The following ANGPT1 variants were observed in gnomAD, a reference collection of about 807,000 sequenced individuals.
ANGPT1 encodes the protein angiopoietin-1.
A neutral mutation model predicts 62.2 loss-of-function variants in ANGPT1; 17 were observed. That is an observed-to-expected ratio of 0.27 (90% CI 0.19 to 0.41). ANGPT1 has a LOEUF of 0.41. Ranked by LOEUF, ANGPT1 falls within the 10% of genes least tolerant of loss-of-function variation. ANGPT1 has a pLI of 1.00. For missense variants in ANGPT1, 478 were observed against 594.9 expected (o/e 0.80, Z 2.04); for synonymous variants, 199 against 198.9 (o/e 1.00, Z 0.00).
chr8:107,395,975 T>A (rs534016981), intron 1 of ANGPT1, among the ~76,000 whole-genome samples: 1 of 152,336 alleles, frequency 6.6e-6, no homozygotes, highest in South Asian at 2.1e-4. Context: ...AAGACACTTA[T>A]GTCCTGTTAT....
At chr8:107,413,022 C>T (rs1047143324) in intron 1 of ANGPT1, among the ~76,000 whole-genome samples, 3 of 152,052 alleles carry the variant, frequency 2.0e-5, no homozygotes, top group Non-Finnish European at 4.4e-5. Flanking sequence ...AAAGATGTGG[C>T]CAATATGTAT....
chr8:107,307,179 T>C (rs1484902036), intron 4 of ANGPT1, among the ~76,000 whole-genome samples: 1 of 152,120 alleles, frequency 6.6e-6, no homozygotes, highest in Non-Finnish European at 1.5e-5. Context: ...CTGCCATTCC[T>C]ATCACTGCTT....
At chr8:107,316,400 T>C (rs1369095175) in intron 4 of ANGPT1, among the ~76,000 whole-genome samples, 1 of 152,224 alleles carries the variant, frequency 6.6e-6, no homozygotes, top group African/African-American at 2.4e-5. Context: ...CTCTCTGTGC[T>C]TAGCTTACCT....
Position 107,251,845 on chromosome 8 carries a change from C to T in ANGPT1, c.*10G>A. 2 of 1,613,666 alleles carry T rather than the reference C, an allele frequency of 1.2e-6. No homozygotes were observed. Among genetic ancestry groups the T allele is most frequent in the East Asian group, 2.2e-5 (1 of 44,872 alleles). ...TTGTTGCTTTCATAATCGCTTCTGA[C>T]ATTGCGCTTTCAAAAATCTAAAGGT... On this transcript the variant is annotated 3_prime_UTR_variant, in exon 9 of 9. Coordinates refer to ENST00000517746, the MANE Select transcript of ANGPT1 (RefSeq NM_001146.5).
chr8:107,303,418 T>C (rs759513922), intron 4 of ANGPT1, 51 bp from the exon 5 acceptor site: 1 of 1,477,002 alleles, frequency 6.8e-7, no homozygotes, highest in Non-Finnish European at 9.2e-7. Context: ...GTACCATTAG[T>C]AGCCAAACTG....
intron 2 of ANGPT1, among the ~76,000 whole-genome samples, chr8:107,346,227 A>G (rs1462038283): frequency 1.3e-5 from 2 of 152,206 alleles, no homozygotes; most frequent in Non-Finnish European, 2.9e-5. Flanking sequence ...GTCAGAAATC[A>G]ACTACATTGG....
At chr8:107,340,136 C>T (rs1189212330) in intron 2 of ANGPT1, among the ~76,000 whole-genome samples, 1 of 152,076 alleles carries the variant, frequency 6.6e-6, no homozygotes, top group African/African-American at 2.4e-5. Flanking sequence ...CGCTGCTTAG[C>T]AATAGTTGAA....
chr8:107,497,354 T>C lies in ANGPT1; in HGVS notation c.205A>G (p.Arg69Gly), dbSNP rs1361256876. ...TDQYNTNALQRDAPHVEPDFS... is the reference protein window; with the variant it reads ...TDQYNTNALQGDAPHVEPDFS... Reference sequence around the variant, plus strand: ...TCCGGTTCCACGTGTGGAGCATCTCTCTGCAGAGCGTTTGTGTTGTACTGG... The same window carrying C: ...TCCGGTTCCACGTGTGGAGCATCTCCCTGCAGAGCGTTTGTGTTGTACTGG... Residue 69 changes from arginine (R) to glycine (G), a missense_variant, in exon 1 of 9, where the codon AGA (arginine) becomes GGA (glycine). By Grantham distance (125) the Arg-to-Gly change is moderately radical. Coordinates refer to ENST00000517746, the MANE Select transcript of ANGPT1 (RefSeq NM_001146.5). 3 of 1,614,098 alleles carry C rather than the reference T, an allele frequency of 1.9e-6. No individual in the cohort carries two copies. In the Admixed American group the frequency reaches 5.0e-5, roughly 27 times the overall value.
At chr8:107,261,936 T>C (rs975379517) in intron 8 of ANGPT1, among the ~76,000 whole-genome samples, 1 of 152,072 alleles carries the variant, frequency 6.6e-6, no homozygotes, top group Non-Finnish European at 1.5e-5. Flanking sequence ...GGCTCATGCC[T>C]GTAATCCCAG....
intron 4 of ANGPT1, among the ~76,000 whole-genome samples, chr8:107,321,523 CAG>C (rs1469842858): frequency 6.6e-6 from 1 of 152,074 alleles, no homozygotes; most frequent in Non-Finnish European, 1.5e-5. Flanking sequence ...GAAACTCTCC[CAG>C]CACTATGAAC....
chr8:107,374,505 G>A (rs925155962), intron 1 of ANGPT1, among the ~76,000 whole-genome samples: 1 of 152,174 alleles, frequency 6.6e-6, no homozygotes, highest in Non-Finnish European at 1.5e-5. Flanking sequence ...GGGTGTAAGT[G>A]GGGGACGAAA....
chr8:107,259,196 A>G (rs1802751549), intron 8 of ANGPT1, among the ~76,000 whole-genome samples: 1 of 152,140 alleles, frequency 6.6e-6, no homozygotes, highest in Non-Finnish European at 1.5e-5. Context: ...TGAAACAGAG[A>G]ATTTTAGTTA....
At chr8:107,399,644 C>T (rs1213111908) in intron 1 of ANGPT1, among the ~76,000 whole-genome samples, 8 of 152,074 alleles carry the variant, frequency 5.3e-5, no homozygotes, top group South Asian at 2.1e-4. Flanking sequence ...TGGCTGAGCC[C>T]GGCTCCTGAT....
At chr8:107,301,535 AT>A (rs1301638338) in intron 5 of ANGPT1, among the ~76,000 whole-genome samples, 1 of 151,876 alleles carries the variant, frequency 6.6e-6, no homozygotes, top group East Asian at 1.9e-4. Flanking sequence ...TCATCTCCTC[AT>A]TCCCAGACTT....
At chr8:107,370,195 A>AAAGAAAGAAAGAGAGTAAGAAGAAAG (rs1554586919) in intron 1 of ANGPT1, among the ~76,000 whole-genome samples, 8 of 93,258 alleles carry the variant, frequency 8.6e-5, no homozygotes, top group African/African-American at 3.6e-4. Flanking sequence ...AAGAAAGAAA[A>AAAGAAAGAAAGAGAGTAAGAAGAAAG]AAAGAAAGAA....
At chr8:107,254,876 C>T (rs964333437) in intron 8 of ANGPT1, among the ~76,000 whole-genome samples, 9 of 151,986 alleles carry the variant, frequency 5.9e-5, no homozygotes, top group Admixed American at 2.0e-4. Context: ...GAACCACAAT[C>T]GAACCAGAAG....
chr8:107,480,359 TA>T (rs1297420223), intron 1 of ANGPT1, among the ~76,000 whole-genome samples: 1 of 152,198 alleles, frequency 6.6e-6, no homozygotes, highest in African/African-American at 2.4e-5. Flanking sequence ...TAAAACAACA[TA>T]AATTCTGCTA....
At chr8:107,409,921 A>C (rs1463191456) in intron 1 of ANGPT1, among the ~76,000 whole-genome samples, 1 of 150,378 alleles carries the variant, frequency 6.6e-6, no homozygotes, top group East Asian at 2.0e-4. Flanking sequence ...CCTGGCATGT[A>C]ATAAATATAT....
At chr8:107,495,428 T>C (rs1223575452) in intron 1 of ANGPT1, among the ~76,000 whole-genome samples, 1 of 152,178 alleles carries the variant, frequency 6.6e-6, no homozygotes, top group Non-Finnish European at 1.5e-5. Flanking sequence ...TAAATTAACA[T>C]ATGAAACACG....
Sources: gnomAD v4.1 joint callset for allele counts (sites outside exome capture counted in the v4.1 genomes callset) on GRCh38, gnomAD v4.1.1 for gene constraint, MANE v1.5 for transcripts, NCBI Gene and HGNC (gene_info 2026-07-23, HGNC 2026-07-21) for gene names.